Variants in DLGAP2 observed in about 807,000 individuals in gnomAD.
DLGAP2 encodes disks large-associated protein 2.
A neutral mutation model predicts 100.3 loss-of-function variants in DLGAP2; 26 were observed. The ratio of observed to expected loss-of-function variants is 0.26; its 90% CI spans 0.19 to 0.36. The LOEUF (loss-of-function observed/expected upper bound fraction) is 0.36, where lower values mean the gene tolerates loss of function less well. Ranked by LOEUF, DLGAP2 falls within the 10% of genes least tolerant of loss-of-function variation. DLGAP2 has a pLI of 1.00. For synonymous variants in DLGAP2, 886 were observed against 630.1 expected, an observed-to-expected ratio of 1.41 and a Z score of -6.08; for missense variants, 1,858 against 1,453.2, an observed-to-expected ratio of 1.28 and a Z score of -4.53.
intron 2 of DLGAP2, among the ~76,000 whole-genome samples, chr8:1,011,706 G>A (rs1249252190): frequency 6.7e-6 from 1 of 149,156 alleles, no homozygotes; most frequent in Non-Finnish European, 1.5e-5. Flanking sequence ...GGAATGAGGA[G>A]TCTCAGTCTA....
intron 7 of DLGAP2, among the ~76,000 whole-genome samples, chr8:1,630,482 C>T (rs1473494471): frequency 2.0e-5 from 3 of 152,020 alleles, no homozygotes; most frequent in African/African-American, 7.2e-5. Flanking sequence ...GTGGGTGGAT[C>T]ACGAGGTCAG....
chr8:1,093,465 CCAGA>C (rs1457323320), intron 2 of DLGAP2, among the ~76,000 whole-genome samples: 2 of 150,974 alleles, frequency 1.3e-5, no homozygotes, highest in East Asian at 3.9e-4. Flanking sequence ...ACACCAACAG[CCAGA>C]CAGAAACACC....
At chr8:1,310,983 C>G (rs1330748444) in intron 3 of DLGAP2, among the ~76,000 whole-genome samples, 2 of 151,070 alleles carry the variant, frequency 1.3e-5, no homozygotes, top group Non-Finnish European at 2.9e-5. Context: ...AGAGTATCAA[C>G]AAAACTGAAG....
intron 2 of DLGAP2, among the ~76,000 whole-genome samples, chr8:948,816 A>T (rs1217450178): frequency 6.6e-6 from 1 of 152,262 alleles, no homozygotes; most frequent in Non-Finnish European, 1.5e-5. Flanking sequence ...TGACCGGGCA[A>T]ACACCTCATG....
At chr8:1,309,857 G>C (rs971223695) in intron 3 of DLGAP2, among the ~76,000 whole-genome samples, 3 of 152,214 alleles carry the variant, frequency 2.0e-5, no homozygotes, top group African/African-American at 4.8e-5. Flanking sequence ...CACTTTGGGA[G>C]GCCAAGGCGG....
intron 3 of DLGAP2, among the ~76,000 whole-genome samples, chr8:1,494,088 G>A (rs936200528): frequency 6.6e-6 from 1 of 152,286 alleles, no homozygotes; most frequent in Non-Finnish European, 1.5e-5. Flanking sequence ...CAAACACTCT[G>A]CAGGGCAGGA....
intron 2 of DLGAP2, among the ~76,000 whole-genome samples, chr8:1,207,377 A>G (rs866161920): frequency 2.0e-5 from 3 of 151,798 alleles, no homozygotes; most frequent in South Asian, 2.1e-4. Flanking sequence ...ATGGTCTCCA[A>G]CTCCATCCAG....
intron 2 of DLGAP2, among the ~76,000 whole-genome samples, chr8:1,166,596 C>G (rs896368766): frequency 6.6e-6 from 1 of 152,104 alleles, no homozygotes; most frequent in Non-Finnish European, 1.5e-5. Context: ...GTTTATTTCT[C>G]CAATTATTTT....
At chr8:990,108 G>A (rs2129016125) in intron 2 of DLGAP2, among the ~76,000 whole-genome samples, 1 of 152,154 alleles carries the variant, frequency 6.6e-6, no homozygotes, top group South Asian at 2.1e-4. Context: ...CGACTTCAGT[G>A]CTGTGTTACC....
At chr8:1,507,304 G>A (rs1799957562) in intron 4 of DLGAP2, among the ~76,000 whole-genome samples, 1 of 152,120 alleles carries the variant, frequency 6.6e-6, no homozygotes, top group Admixed American at 6.5e-5. Flanking sequence ...TGTCCCACGG[G>A]GAGGCAGCTG....
intron 6 of DLGAP2, among the ~76,000 whole-genome samples, chr8:1,608,085 C>A (rs1485187869): frequency 2.3e-5 from 2 of 88,492 alleles, no homozygotes; most frequent in Admixed American, 2.4e-4. Flanking sequence ...CCTCTGGGGG[C>A]AGGGCACAGA....
chr8:1,113,967 G>T (rs1805038535), intron 2 of DLGAP2, among the ~76,000 whole-genome samples: 1 of 152,116 alleles, frequency 6.6e-6, no homozygotes, highest in African/African-American at 2.4e-5. Context: ...TATGGTTTTT[G>T]TCTTTAGTTC....
chr8:1,641,023 T>C (rs1797885924), intron 8 of DLGAP2, among the ~76,000 whole-genome samples: 1 of 152,070 alleles, frequency 6.6e-6, no homozygotes, highest in Non-Finnish European at 1.5e-5. Flanking sequence ...ACCCAAGCTC[T>C]CCTGGCTGTG....
chr8:1,344,921 A>C (rs1801519986), intron 3 of DLGAP2, among the ~76,000 whole-genome samples: 1 of 152,222 alleles, frequency 6.6e-6, no homozygotes, highest in Non-Finnish European at 1.5e-5. Context: ...GTCAAAGGAC[A>C]GGGTCTTGGT....
chr8:967,009 C>T (rs1799887990), intron 2 of DLGAP2, among the ~76,000 whole-genome samples: 1 of 152,258 alleles, frequency 6.6e-6, no homozygotes, highest in Non-Finnish European at 1.5e-5. Context: ...AATATGGATG[C>T]TCCATCACAT....
At chr8:905,373 C>G (rs1028673818) in intron 1 of DLGAP2, among the ~76,000 whole-genome samples, 1 of 152,126 alleles carries the variant, frequency 6.6e-6, no homozygotes, top group African/African-American at 2.4e-5. Context: ...CAGTGCACAG[C>G]TGCCCCGGGA....
intron 6 of DLGAP2, among the ~76,000 whole-genome samples, chr8:1,622,878 G>A (rs994940223): frequency 3.9e-5 from 6 of 152,176 alleles, no homozygotes; most frequent in South Asian, 4.1e-4. Flanking sequence ...TTTTCAGGGG[G>A]AAGAGTCAGG....
intron 8 of DLGAP2, among the ~76,000 whole-genome samples, chr8:1,666,694 G>T (rs1455226440): frequency 2.0e-5 from 3 of 150,558 alleles, no homozygotes; most frequent in Non-Finnish European, 3.0e-5. Context: ...AAAAAAAAAA[G>T]TCTCCACTTT....
chr8:1,314,673 G>A (rs937494738), intron 3 of DLGAP2, among the ~76,000 whole-genome samples: 11 of 152,178 alleles, frequency 7.2e-5, no homozygotes, highest in African/African-American at 2.7e-4. Context: ...GTCCGCCTGG[G>A]GCTGGGCTGC....
Sources: allele counts gnomAD v4.1 joint callset (sites outside exome capture counted in the v4.1 genomes callset), GRCh38; gene constraint gnomAD v4.1.1; transcripts MANE v1.5; gene names NCBI Gene and HGNC (gene_info 2026-07-23, HGNC 2026-07-21).